MTAP: variants seen among roughly 807,000 people sequenced by gnomAD.
The protein encoded by MTAP is methylthioadenosine phosphorylase.
A neutral mutation model predicts 33.6 loss-of-function variants in MTAP; 33 were observed. That is an observed-to-expected ratio of 0.98 (90% CI 0.74 to 1.31). The LOEUF is 1.31. Ranked by LOEUF, MTAP falls within the 40% of genes most tolerant of loss-of-function variation. MTAP has a pLI of 0.00. For synonymous variants in MTAP, 148 were observed against 125.7 expected, an observed-to-expected ratio of 1.18 and a Z score of -1.19; for missense variants, 367 against 360.0, an observed-to-expected ratio of 1.02 and a Z score of -0.16.
chr9:21,887,626 C>T (rs1044616312), intron 1 of MTAP, among the ~76,000 whole-genome samples: 32 of 152,124 alleles, frequency 2.1e-4, no homozygotes, highest in Non-Finnish European at 4.0e-4. Flanking sequence ...GGTATATACC[C>T]AGTAATGGGA....
chr9:21,827,078 G>A (rs999707457), intron 4 of MTAP, among the ~76,000 whole-genome samples: 55 of 152,154 alleles, frequency 3.6e-4, no homozygotes, highest in African/African-American at 1.2e-3. Flanking sequence ...ATCAGTCCCC[G>A]GTGCCAAAAA....
At chr9:21,916,088 G>T (rs1331142886) in intron 1 of MTAP, among the ~76,000 whole-genome samples, 3 of 147,134 alleles carry the variant, frequency 2.0e-5, no homozygotes, top group Non-Finnish European at 4.5e-5. Flanking sequence ...GGAAAGGAAG[G>T]AAGGAAGGAA....
intron 1 of MTAP, among the ~76,000 whole-genome samples, chr9:21,895,668 T>G (rs1818279651): frequency 2.0e-5 from 3 of 152,218 alleles, no homozygotes; most frequent in Admixed American, 2.0e-4. Context: ...TTATATCCCA[T>G]GCCTAGCTCA....
intron 4 of MTAP, among the ~76,000 whole-genome samples, chr9:21,833,615 A>G (rs116809389): frequency 4.6e-5 from 7 of 152,326 alleles, no homozygotes; most frequent in African/African-American, 1.7e-4. Context: ...CACTTCCCCT[A>G]AACCGTCCTC....
At chr9:21,903,194 A>G (rs772395413) in intron 1 of MTAP, among the ~76,000 whole-genome samples, 3 of 152,206 alleles carry the variant, frequency 2.0e-5, no homozygotes. Flanking sequence ...AGGTGGATAC[A>G]TGGACTATAC....
chr9:21,845,696 T>G (rs955257736), intron 5 of MTAP, among the ~76,000 whole-genome samples: 10 of 151,826 alleles, frequency 6.6e-5, no homozygotes, highest in African/African-American at 2.4e-4. Context: ...CCAAAAGCAA[T>G]CCACAAATTC....
At chr9:21,813,920 G>A (rs1302631536) in intron 1 of MTAP, 2 of 152,198 alleles carry the variant, frequency 1.3e-5, no homozygotes, top group Non-Finnish European at 1.5e-5. Flanking sequence ...TTGAAGTGCC[G>A]TAATTTAAAT....
chr9:21,806,053 AGAATTTT>A (rs1193886193), intron 1 of MTAP, among the ~76,000 whole-genome samples: 1 of 152,206 alleles, frequency 6.6e-6, no homozygotes, highest in East Asian at 1.9e-4. Context: ...ACCGCGATCA[AGAATTTT>A]GATTTTAAAT....
intron 7 of MTAP, 57 bp from the exon 8 acceptor site, chr9:21,861,919 A>G (rs1825762971): frequency 1.0e-6 from 1 of 1,000,592 alleles, no homozygotes; most frequent in South Asian, 1.4e-5. Context: ...TTTTTTAACA[A>G]ACATCTCAGT....
At chr9:21,888,646 G>GC (rs112926451) in intron 1 of MTAP, among the ~76,000 whole-genome samples, 65,784 of 151,734 alleles carry the variant, frequency 0.43, 16,674 homozygotes, top group African/African-American at 0.67. Flanking sequence ...ACTCCTGCTT[G>GC]TTTTGGCATC....
intron 1 of MTAP, among the ~76,000 whole-genome samples, chr9:21,906,741 A>G (rs1383964198): frequency 6.6e-6 from 1 of 152,256 alleles, no homozygotes; most frequent in Non-Finnish European, 1.5e-5. Context: ...TAAAATGATA[A>G]TGATTATCTA....
At chr9:21,897,056 G>A (rs1347905224) in intron 1 of MTAP, among the ~76,000 whole-genome samples, 2 of 152,120 alleles carry the variant, frequency 1.3e-5, no homozygotes, top group African/African-American at 4.8e-5. Flanking sequence ...TTCATCCCTG[G>A]GATGCAAGGC....
At position 21,911,581 on chromosome 9, in the gene MTAP, C is replaced by T. The variant is rs538011120; in HGVS notation, c.148-19427C>T. On this transcript the variant is annotated intron_variant, in intron 1 of 1. Coordinates refer to the MTAP transcript ENST00000577563. ...AAATAAAAATGTTCTTTGAAACCAA[C>T]GAGAACAAAGACACAACATACCAGA... 1.6e-3 allele frequency among the ~76,000 whole-genome samples: 238 copies of T among 152,076 alleles called. 1 individual carries two copies. The highest frequency in any genetic ancestry group is 4.9e-3 in the African/African-American group (205 of 41,510).
chr9:21,923,054 G>A (rs1341802128), intron 1 of MTAP, among the ~76,000 whole-genome samples: 1 of 152,172 alleles, frequency 6.6e-6, no homozygotes, highest in Non-Finnish European at 1.5e-5. Context: ...GGGCAAGTCT[G>A]TCTCTCTTCT....
At chr9:21,875,609 A>G (rs1404307570) in intron 1 of MTAP, among the ~76,000 whole-genome samples, 1 of 152,016 alleles carries the variant, frequency 6.6e-6, no homozygotes, top group Non-Finnish European at 1.5e-5. Flanking sequence ...AGTTCTTATC[A>G]TCTAGCTCCC....
chr9:21,846,480 A>G (rs577553914), intron 5 of MTAP, among the ~76,000 whole-genome samples: 2 of 152,308 alleles, frequency 1.3e-5, no homozygotes, highest in African/African-American at 2.4e-5. Flanking sequence ...GCCAACACAC[A>G]TGAAAAAATG....
chr9:21,846,977 A>T (rs1825400352), intron 5 of MTAP, among the ~76,000 whole-genome samples: 1 of 152,134 alleles, frequency 6.6e-6, no homozygotes, highest in African/African-American at 2.4e-5. Flanking sequence ...TTGCCAAAGG[A>T]GATTAACATT....
chr9:21,813,683 A>T (rs1282892911), intron 1 of MTAP: 1 of 152,228 alleles, frequency 6.6e-6, no homozygotes, highest in Non-Finnish European at 1.5e-5. Flanking sequence ...CAAAGTGGTG[A>T]TAAGTTAAAA....
downstream of MTAP, among the ~76,000 whole-genome samples, chr9:21,938,534 T>C (rs1322179821): frequency 1.3e-5 from 2 of 152,212 alleles, no homozygotes; most frequent in Non-Finnish European, 2.9e-5. Context: ...AACCTTCTTA[T>C]GTTATAATAT....
Sources: gnomAD v4.1 joint callset for allele counts (sites outside exome capture counted in the v4.1 genomes callset) on GRCh38, gnomAD v4.1.1 for gene constraint, MANE v1.5 for transcripts, NCBI Gene and HGNC (gene_info 2026-07-23, HGNC 2026-07-21) for gene names.